TGM2: variants seen among roughly 807,000 people sequenced by gnomAD.
TGM2 encodes the protein transglutaminase 2.
In TGM2, 53 loss-of-function variants were observed where a neutral mutation model predicts 75.6. That is an observed-to-expected ratio of 0.70 (90% CI 0.56 to 0.88). The LOEUF is 0.88. Ranked by LOEUF, TGM2 falls within the 40% of genes least tolerant of loss-of-function variation. TGM2 has a pLI of 0.00. For synonymous variants in TGM2, 374 were observed against 381.1 expected (o/e 0.98, Z 0.22); for missense variants, 842 against 928.5 (o/e 0.91, Z 1.21).
rs200206764 is a variant in TGM2, at chr20:38,161,537, C to A, written c.73G>T (p.Asp25Tyr). 1.3e-5 allele frequency: 21 copies of A among 1,614,180 alleles called. No individual in the cohort carries two copies. The highest frequency in any genetic ancestry group is 1.6e-5 in the Non-Finnish European group (19 of 1,180,022). Reference sequence around the variant, plus strand: ...ACCACCAGCTTCTCCCGGCACAGGTCGGCCGTGTGGTGGTCTCGGCCATTG... The same window carrying A: ...ACCACCAGCTTCTCCCGGCACAGGTAGGCCGTGTGGTGGTCTCGGCCATTG... ...ETNGRDHHTADLCREKLVVRR... is the reference protein window; with the variant it reads ...ETNGRDHHTAYLCREKLVVRR... Residue 25 changes from aspartate (D) to tyrosine (Y), a missense_variant, in exon 2 of 13, where the codon GAC becomes TAC. Coordinates refer to ENST00000361475, the MANE Select transcript of TGM2 (RefSeq NM_004613.4).
At chr20:38,144,836 C>T (rs1600496227) in intron 6 of TGM2, among the ~76,000 whole-genome samples, 2 of 152,064 alleles carry the variant, frequency 1.3e-5, no homozygotes, top group South Asian at 4.1e-4. Context: ...TTCCCTGGCT[C>T]CATCCTACAC....
upstream of TGM2, among the ~76,000 whole-genome samples, chr20:38,165,610 C>T (rs1216104439): frequency 1.3e-5 from 2 of 151,796 alleles, no homozygotes; most frequent in African/African-American, 2.4e-5. Context: ...CGGGGTGCAC[C>T]TGGACACACA....
chr20:38,153,110 G>C (rs1351491607), intron 3 of TGM2, among the ~76,000 whole-genome samples: 4 of 152,142 alleles, frequency 2.6e-5, no homozygotes, highest in African/African-American at 9.7e-5. Context: ...ATGAAGCAAG[G>C]GTGCTCGTTG....
chr20:38,141,402 G>C lies in TGM2; in HGVS notation c.996-17C>G. The C allele has an allele frequency of 6.5e-7, 1 of 1,550,176 alleles. No homozygotes were observed. The highest frequency in any genetic ancestry group is 1.4e-5 in the African/African-American group (1 of 73,714). ...TGGAAGTTCCTGAGGGGGATAGGGG[G>C]GCGGGAATGAAGCAGAACATGAGCA... is the stretch of plus-strand genomic sequence containing the variant. On this transcript the variant is annotated splice_polypyrimidine_tract_variant and intron_variant, in intron 7 of 12. Coordinates refer to ENST00000361475, the MANE Select transcript of TGM2 (RefSeq NM_004613.4).
At chr20:38,147,859 C>T (rs1026789939) in intron 5 of TGM2, 102 bp downstream of exon 5, 35 of 1,513,128 alleles carry the variant, frequency 2.3e-5, no homozygotes, top group African/African-American at 1.5e-4. Context: ...ACCCATCTCC[C>T]GGGTCCCCCA....
intron 2 of TGM2, among the ~76,000 whole-genome samples, chr20:38,157,240 A>T (rs1373689273): frequency 2.8e-5 from 3 of 107,164 alleles, no homozygotes; most frequent in African/African-American, 1.0e-4. Flanking sequence ...CCTCCCTGCC[A>T]GCCAGCCCCA....
chr20:38,140,101 C>T (rs1413985529), intron 8 of TGM2, among the ~76,000 whole-genome samples: 2 of 152,240 alleles, frequency 1.3e-5, no homozygotes, highest in African/African-American at 4.8e-5. Flanking sequence ...ACATCTGTCT[C>T]GTTTCCTGCT....
chr20:38,149,701 A>C (rs959062269), intron 4 of TGM2, among the ~76,000 whole-genome samples: 9 of 149,368 alleles, frequency 6.0e-5, no homozygotes, highest in African/African-American at 2.2e-4. Context: ...AAAAAAAAAA[A>C]CAGGACCCTG....
At chr20:38,156,174 C>A (rs1415927205) in intron 2 of TGM2, 85 bp from the exon 3 acceptor site, 2 of 1,516,250 alleles carry the variant, frequency 1.3e-6, no homozygotes, top group East Asian at 4.6e-5. Flanking sequence ...CCAGCTTGGG[C>A]TCCAGGCCTA....
rs2074942978 is a variant in TGM2 at position 38,139,499 on chromosome 20, A to G, written c.1255T>C (p.Ser419Pro). ...DGSVHKSINR[S>P]LIVGLKISTK... ...CTGATCTTCAGCCCAACGATCAGGG[A>G]ACGGTTGATGGATTTGTGCACAGAC... Residue 419 changes from serine (S) to proline (P), a missense_variant, in exon 9 of 13, where the codon TCC (serine) becomes CCC (proline). Coordinates refer to ENST00000361475, the MANE Select transcript of TGM2 (RefSeq NM_004613.4). 1 of 1,614,160 alleles carries G rather than the reference A, an allele frequency of 6.2e-7. No individual in the cohort carries two copies. The highest frequency in any genetic ancestry group is 8.5e-7 in the Non-Finnish European group (1 of 1,180,032).
At chr20:38,137,838 C>T (rs751893731) in intron 10 of TGM2, 56 of 605,824 alleles carry the variant, frequency 9.2e-5, no homozygotes, top group Non-Finnish European at 1.3e-4. Context: ...GACAGGTTAA[C>T]TCCCCAACTG....
intron 2 of TGM2, among the ~76,000 whole-genome samples, chr20:38,157,262 C>T (rs1425942705): frequency 5.9e-5 from 9 of 152,154 alleles, no homozygotes; most frequent in Admixed American, 3.3e-4. Context: ...CCACACCCAG[C>T]TCAAATGTAA....
intron 5 of TGM2, among the ~76,000 whole-genome samples, chr20:38,147,637 C>A (rs2122912251): frequency 6.6e-6 from 1 of 152,096 alleles, no homozygotes; most frequent in East Asian, 1.9e-4. Context: ...GTCTCCCCTC[C>A]CCTCCCCTCC....
chr20:38,156,231 C>A (rs1047465215), intron 2 of TGM2, 142 bp from the exon 3 acceptor site: 8 of 1,117,564 alleles, frequency 7.2e-6, no homozygotes, highest in Non-Finnish European at 1.0e-5. Context: ...AGTTTGTCTC[C>A]CTGAGCCTCA....
At chr20:38,165,684 A>ACACG (rs2075304294), upstream of TGM2, among the ~76,000 whole-genome samples, 1 of 150,882 alleles carries the variant, frequency 6.6e-6, no homozygotes, top group Non-Finnish European at 1.5e-5. Context: ...ACACACACAC[A>ACACG]CACACACACA....
At chr20:38,150,709 A>G (rs1442925667) in intron 4 of TGM2, among the ~76,000 whole-genome samples, 1 of 152,188 alleles carries the variant, frequency 6.6e-6, no homozygotes, top group Non-Finnish European at 1.5e-5. Flanking sequence ...AGGCTCTCCT[A>G]GTTCTTTCTC....
chr20:38,141,300 G>C lies in TGM2; in HGVS notation c.1081C>G (p.Pro361Ala), dbSNP rs1438319332. 6.3e-7 allele frequency: 1 copy of C among 1,580,482 alleles called. No individual in the cohort carries two copies. Among genetic ancestry groups the C allele is most frequent in the Non-Finnish European group, 8.6e-7 (1 of 1,163,042 alleles). Residue 361 changes from proline (P) to alanine (A), a missense_variant, in exon 8 of 13, where the codon CCC (proline) becomes GCC (alanine). Transcript: ENST00000361475. ...YEGWQALDPT[P>A]QEKSEGTYCC... ...CACGCACCTTCGCTCTTCTCCTGGG[G>C]CGTTGGGTCCAGGGCCTGCCAGCCC... is the stretch of plus-strand genomic sequence containing the variant.
Position 38,150,896 on chromosome 20 carries a change from G to A in TGM2, c.552+43C>T, listed in dbSNP as rs761260118. 6 of 1,475,380 alleles carry A rather than the reference G, an allele frequency of 4.1e-6. No individual in the cohort carries two copies. In the African/African-American group the frequency reaches 8.3e-5, roughly 20 times the overall value. 91.4% of individuals were successfully genotyped at this position (1,475,380 alleles called of 1,614,324 possible). ...CCCCAGACACAGGGCCGGGCACACA[G>A]AAGGGCCTGAGATGGTTGGGAGAGA... On this transcript the variant is annotated intron_variant, in intron 4 of 12. Coordinates refer to ENST00000361475, the MANE Select transcript of TGM2 (RefSeq NM_004613.4).
Position 38,141,271 on chromosome 20 carries a change from C to G in TGM2, c.1099+11G>C. The G allele has an allele frequency of 6.4e-7, 1 of 1,556,650 alleles. No individual in the cohort carries two copies. Among genetic ancestry groups the G allele is most frequent in the Non-Finnish European group, 8.7e-7 (1 of 1,148,660 alleles). On this transcript the variant is annotated intron_variant, in intron 8 of 12. Coordinates refer to ENST00000361475, the MANE Select transcript of TGM2 (RefSeq NM_004613.4). ...CCCATCTGTTTGACGCGACAGTGCC[C>G]GCCCACGCACCTTCGCTCTTCTCCT... is the stretch of plus-strand genomic sequence containing the variant.
Sources: allele counts gnomAD v4.1 joint callset (sites outside exome capture counted in the v4.1 genomes callset), GRCh38; gene constraint gnomAD v4.1.1; transcripts MANE v1.5; gene names NCBI Gene and HGNC (gene_info 2026-07-23, HGNC 2026-07-21).